The following CEP135 variants were observed in gnomAD, a reference collection of about 807,000 sequenced individuals.
CEP135 encodes centrosomal protein 135.
CEP135 carries 142 observed loss-of-function variants against 157.3 expected under a neutral mutation model. The observed-to-expected ratio is 0.90, with a 90% CI of 0.79 to 1.04. CEP135 has a LOEUF of 1.04. Among genes scored for constraint, CEP135 ranks in the 50% least tolerant of loss-of-function variants. The pLI, the probability that CEP135 is intolerant of heterozygous loss-of-function variation, is 0.00. For missense variants in CEP135, 1,317 were observed against 1,309.2 expected, an observed-to-expected ratio of 1.01 and a Z score of -0.09; for synonymous variants, 396 against 439.8, an observed-to-expected ratio of 0.90 and a Z score of 1.25.
chr4:55,968,849 A>G (rs1728925498), intron 8 of CEP135, among the ~76,000 whole-genome samples: 1 of 152,178 alleles, frequency 6.6e-6, no homozygotes, highest in African/African-American at 2.4e-5. Context: ...CCTTCTTCAG[A>G]TGTTACAAGT....
Position 55,980,293 on chromosome 4 carries a change from G to A in CEP135, c.1624G>A (p.Glu542Lys). The change falls in exon 12 of 26, where the codon GAA becomes AAA. Residue 542 changes from glutamate (E) to lysine (K), a missense_variant and splice_region_variant. Coordinates refer to ENST00000257287, the MANE Select transcript of CEP135 (RefSeq NM_025009.5). ...ERDKLSVLYN[E>K]AQEELSALRK... The stretch of plus-strand genomic sequence containing the variant: ...AGATAAACTAAGTGTCTTATATAAT[G>A]AAGTAAGAAATGTATTATAATTAAG... 6.7e-7 allele frequency: 1 copy of A among 1,489,420 alleles called. No individual in the cohort carries two copies. The highest frequency in any genetic ancestry group is 9.3e-7 in the Non-Finnish European group (1 of 1,078,040). 92.3% of individuals were successfully genotyped at this position (1,489,420 alleles called of 1,614,324 possible).
intron 3 of CEP135, among the ~76,000 whole-genome samples, chr4:55,953,563 G>T (rs926962358): frequency 6.6e-6 from 1 of 152,038 alleles, no homozygotes; most frequent in African/African-American, 2.4e-5. Flanking sequence ...AAATACTATA[G>T]GGTATGTTGA....
At chr4:55,981,702 G>C (rs1269779839) in intron 13 of CEP135, among the ~76,000 whole-genome samples, 1 of 152,018 alleles carries the variant, frequency 6.6e-6, no homozygotes, top group East Asian at 1.9e-4. Context: ...CAGTATCTTT[G>C]TTTGTTTGTT....
In CEP135 at chr4:56,007,914, G is replaced by A. The variant is rs144366157; in HGVS notation, c.2281-413G>A. The stretch of plus-strand genomic sequence containing the variant: ...ATTTATTTTTGGTTTTCTTTGTCAG[G>A]ATTGAAGTCAGCTTGTGACTACACC... On this transcript the variant is annotated intron_variant, in intron 17 of 25. Coordinates refer to ENST00000257287, the MANE Select transcript of CEP135 (RefSeq NM_025009.5). Among the ~76,000 whole-genome samples the A allele has an allele frequency of 2.8e-3, 431 of 152,228 alleles. 3 individuals are homozygous for A. The highest frequency in any genetic ancestry group is 9.8e-3 in the African/African-American group (406 of 41,546).
chr4:55,986,306 G>A (rs1729580803), intron 14 of CEP135, among the ~76,000 whole-genome samples: 1 of 152,176 alleles, frequency 6.6e-6, no homozygotes, highest in African/African-American at 2.4e-5. Flanking sequence ...GGAGGCCAAG[G>A]TGAGGCAGGT....
At chr4:55,963,468 A>G (rs1226262728) in intron 6 of CEP135, among the ~76,000 whole-genome samples, 3 of 152,222 alleles carry the variant, frequency 2.0e-5, no homozygotes, top group African/African-American at 7.2e-5. Context: ...AGCTTGGGCC[A>G]GGAGTGGTGG....
chr4:55,949,809 G>A (rs1016193208), intron 1 of CEP135, among the ~76,000 whole-genome samples: 2 of 152,172 alleles, frequency 1.3e-5, no homozygotes, highest in African/African-American at 4.8e-5. Context: ...TCATGGGTGG[G>A]GACGGCCTAA....
intron 1 of CEP135, among the ~76,000 whole-genome samples, chr4:55,950,057 A>G (rs998411887): frequency 2.6e-4 from 39 of 152,324 alleles, no homozygotes; most frequent in Non-Finnish European, 5.0e-4. Context: ...TGATGTCTGC[A>G]GGAATTTCCC....
intron 25 of CEP135, among the ~76,000 whole-genome samples, chr4:56,025,979 C>T (rs1015752668): frequency 2.6e-5 from 4 of 151,446 alleles, no homozygotes; most frequent in East Asian, 1.9e-4. Flanking sequence ...GAGGCCGAGG[C>T]GGGTGGATCA....
intron 17 of CEP135, among the ~76,000 whole-genome samples, chr4:56,004,503 T>C (rs1730285318): frequency 1.3e-5 from 2 of 152,200 alleles, no homozygotes; most frequent in African/African-American, 4.8e-5. Context: ...GATAGTGGGG[T>C]GGTGAAGTCC....
At chr4:55,988,557 G>A (rs1729676829) in intron 14 of CEP135, among the ~76,000 whole-genome samples, 1 of 152,112 alleles carries the variant, frequency 6.6e-6, no homozygotes, top group Non-Finnish European at 1.5e-5. Flanking sequence ...CTACTTGGGA[G>A]GCAGAGGCAG....
chr4:56,011,060 C>T (rs1677485601), intron 19 of CEP135, among the ~76,000 whole-genome samples: 1 of 151,530 alleles, frequency 6.6e-6, no homozygotes, highest in African/African-American at 2.4e-5. Context: ...ATAGTGAGAC[C>T]TCATCTCAGA....
At chr4:55,994,860 A>C (rs1054015849) in intron 15 of CEP135, among the ~76,000 whole-genome samples, 6 of 151,686 alleles carry the variant, frequency 4.0e-5, no homozygotes, top group Non-Finnish European at 5.9e-5. Flanking sequence ...TAACTTTTGT[A>C]TTTTTAGTAG....
Position 55,999,580 on chromosome 4 carries a change from C to A in CEP135, c.2215C>A (p.Leu739Ile), listed in dbSNP as rs1318701252. The A allele has an allele frequency of 1.9e-6, 3 of 1,610,870 alleles. No individual in the cohort carries two copies. Among genetic ancestry groups the A allele is most frequent in the Admixed American group, 3.4e-5 (2 of 59,336 alleles). ...TGTTATTGATAAAGAAAAAGACTTT[C>A]TCCAGGAGACTGTAGATGAGAAGAC... ...IGVIDKEKDF[L>I]QETVDEKTEK... Residue 739 changes from leucine to isoleucine, a missense_variant, in exon 17 of 26, where the codon CTC (leucine) becomes ATC (isoleucine). Physicochemically the swap from Leu to Ile is conservative, Grantham distance 5 (BLOSUM62 2). Transcript: ENST00000257287.
rs145565472 is a variant in CEP135, at chr4:55,958,137, A to G, written c.614+773A>G. On this transcript the variant is annotated intron_variant, in intron 5 of 25. Coordinates refer to ENST00000257287, the MANE Select transcript of CEP135 (RefSeq NM_025009.5). ...TTTATTAATCTCAATAGATAAAGCTAAAAAAGAGCACTGGGACCAGGTGCA... is the reference window on the plus strand; with the variant it reads ...TTTATTAATCTCAATAGATAAAGCTGAAAAAGAGCACTGGGACCAGGTGCA... 3.9e-5 allele frequency among the ~76,000 whole-genome samples: 6 copies of G among 152,306 alleles called. No homozygotes were observed. The East Asian group carries it at 7.7e-4, about 20-fold the overall frequency.
rs753230629 is a variant in CEP135, at chr4:55,964,308, C to A, written c.734C>A (p.Ser245Ter). 6.2e-7 allele frequency: 1 copy of A among 1,612,978 alleles called. No individual in the cohort carries two copies. The highest frequency in any genetic ancestry group is 2.2e-5 in the East Asian group (1 of 44,818). Reference protein sequence around the residue: ...ELREREIERLSVALDGGRSPD... With the variant: ...ELREREIERL Reference sequence around the variant, plus strand: ...AGAGAACGAGAGATAGAACGACTGTCAGTTGCTTTGGATGGTGGTCGGTCC... The same window carrying A: ...AGAGAACGAGAGATAGAACGACTGTAAGTTGCTTTGGATGGTGGTCGGTCC... The change falls in exon 7 of 26, where the codon TCA (serine) becomes TAA (stop). Residue 245 changes from serine (S) to a stop codon, truncating the protein, a stop_gained. Coordinates refer to ENST00000257287, the MANE Select transcript of CEP135 (RefSeq NM_025009.5). LOFTEE classifies it high-confidence loss of function.
In CEP135 at chr4:56,017,872, T is replaced by C. The variant is rs1399057794; in HGVS notation, c.3012+15T>C. The C allele has an allele frequency of 1.2e-5, 19 of 1,604,154 alleles. No individual in the cohort carries two copies. Among genetic ancestry groups the C allele is most frequent in the Non-Finnish European group, 1.5e-5 (18 of 1,174,416 alleles). ...AGTTTGAGAGGGTAAGAAAGATAAA[T>C]TGTCTTGGCACATTGTTTTATTGAG... On this transcript the variant is annotated intron_variant, in intron 22 of 25. Coordinates refer to ENST00000257287, the MANE Select transcript of CEP135 (RefSeq NM_025009.5).
intron 15 of CEP135, among the ~76,000 whole-genome samples, chr4:55,993,043 G>A (rs1354554897): frequency 6.6e-6 from 1 of 152,142 alleles, no homozygotes; most frequent in Non-Finnish European, 1.5e-5. Flanking sequence ...ATTTAGTCAT[G>A]AAACAGTGAC....
At chr4:56,028,909 A>G (rs1002322042) in intron 25 of CEP135, among the ~76,000 whole-genome samples, 1 of 152,158 alleles carries the variant, frequency 6.6e-6, no homozygotes, top group African/African-American at 2.4e-5. Context: ...CAAGAGCCCA[A>G]TCCCACAAAT....
Sources: allele counts gnomAD v4.1 joint callset (sites outside exome capture counted in the v4.1 genomes callset), GRCh38; gene constraint gnomAD v4.1.1; transcripts MANE v1.5; gene names NCBI Gene and HGNC (gene_info 2026-07-23, HGNC 2026-07-21).